Variants in FAM204A observed in about 807,000 individuals in gnomAD.
The protein encoded by FAM204A is family with sequence similarity 204 member A.
FAM204A carries 16 observed loss-of-function variants against 35.4 expected under a neutral mutation model. The ratio of observed to expected loss-of-function variants is 0.45; its 90% CI spans 0.31 to 0.69. The LOEUF (loss-of-function observed/expected upper bound fraction) is 0.69. Ranked by LOEUF, FAM204A falls within the 30% of genes least tolerant of loss-of-function variation. FAM204A has a pLI of 0.07. For missense variants in FAM204A, 240 were observed against 265.7 expected (o/e 0.90, Z 0.67); for synonymous variants, 76 against 86.9 (o/e 0.88, Z 0.70).
chr10:118,312,717 C>T (rs1272022316), intron 7 of FAM204A, among the ~76,000 whole-genome samples: 9 of 152,178 alleles, frequency 5.9e-5, no homozygotes, highest in Non-Finnish European at 1.3e-4. Flanking sequence ...AGCAGACCAA[C>T]CTCGGTGTGT....
At chr10:118,323,922 C>T (rs528438030) in intron 7 of FAM204A, among the ~76,000 whole-genome samples, 12 of 152,098 alleles carry the variant, frequency 7.9e-5, no homozygotes, top group South Asian at 2.1e-4. Context: ...AAAGATATTA[C>T]GTTTGTTGAA....
chr10:118,315,683 T>C (rs1348936208), intron 7 of FAM204A, among the ~76,000 whole-genome samples: 2 of 152,124 alleles, frequency 1.3e-5, no homozygotes, highest in Non-Finnish European at 2.9e-5. Context: ...AAGCTCAACA[T>C]TAATGTCAAG....
chr10:118,325,546 G>A (rs909477352), intron 7 of FAM204A, among the ~76,000 whole-genome samples: 6 of 152,084 alleles, frequency 3.9e-5, no homozygotes, highest in African/African-American at 1.2e-4. Flanking sequence ...ATGCCAATAT[G>A]AGCTCTTTAA....
At chr10:118,319,625 C>T (rs912320910) in intron 7 of FAM204A, among the ~76,000 whole-genome samples, 22 of 151,864 alleles carry the variant, frequency 1.4e-4, no homozygotes, top group Non-Finnish European at 2.9e-4. Context: ...AAGTCATTGC[C>T]TTAGTTCCTT....
rs1196030190 is a variant in FAM204A at position 118,307,429 on chromosome 10, A to C, written c.*3428T>G. 6.6e-6 allele frequency: 1 copy of C among 152,232 alleles called. No individual in the cohort carries two copies. The highest frequency in any genetic ancestry group is 2.4e-5 in the African/African-American group (1 of 41,462). 9.4% of individuals were successfully genotyped at this position (152,232 alleles called of 1,614,324 possible). A position where few individuals can be genotyped will look rare whatever the true frequency, so the allele number is the denominator to read the frequency against. ...AGCATTTGTTGCTCTGCCAGATACTAAAAATAAAAGCAACTTCTGCCAAAA... is the reference window on the plus strand; with the variant it reads ...AGCATTTGTTGCTCTGCCAGATACTCAAAATAAAAGCAACTTCTGCCAAAA... On this transcript the variant is annotated 3_prime_UTR_variant, in exon 9 of 9. Coordinates refer to ENST00000369183, the MANE Select transcript of FAM204A (RefSeq NM_022063.3).
Position 118,310,854 on chromosome 10 carries a change from A to G in FAM204A, c.*3T>C. The G allele has an allele frequency of 3.1e-6, 5 of 1,600,402 alleles. No homozygotes were observed. The highest frequency in any genetic ancestry group is 4.3e-6 in the Non-Finnish European group (5 of 1,176,336). ...TACAAATGTCTTGAAGCACTCTGGC[A>G]AGTTACATGTATCCCATGTTGCTTT... On this transcript the variant is annotated 3_prime_UTR_variant, in exon 9 of 9. Transcript: ENST00000369183.
rs1323339379 is a variant in FAM204A at position 118,298,255 on chromosome 10, T to C, written c.*12602A>G. 6.6e-6 allele frequency: 1 copy of C among 152,214 alleles called. No homozygotes were observed. The highest frequency in any genetic ancestry group is 1.5e-5 in the Non-Finnish European group (1 of 68,056). 9.4% of individuals were successfully genotyped at this position (152,214 alleles called of 1,614,324 possible). A position where few individuals can be genotyped will look rare whatever the true frequency, so the allele number is the denominator to read the frequency against. ...CCCCTGAGCCAGACAGGAAATCCAC[T>C]GGTATTTAAAAAGATAGGTTGTGTG... On this transcript the variant is annotated 3_prime_UTR_variant, in exon 9 of 9. Coordinates refer to ENST00000369183, the MANE Select transcript of FAM204A (RefSeq NM_022063.3).
At position 118,335,623 on chromosome 10, in the gene FAM204A, T is replaced by G; in HGVS notation, c.253A>C (p.Lys85Gln). The G allele has an allele frequency of 6.2e-7, 1 of 1,605,564 alleles. No homozygotes were observed. The highest frequency in any genetic ancestry group is 1.1e-5 in the South Asian group (1 of 88,156). ...GTGCTTTTCTGTTCAGAATGTTTTT[T>G]ATGCAATTCTTGAAATTTCTATGTA... ...DMWNKFQELHKKHSEQKSTTS... is the reference protein window; with the variant it reads ...DMWNKFQELHQKHSEQKSTTS... The change falls in exon 4 of 9, where the codon AAA becomes CAA. Residue 85 changes from lysine to glutamine, a missense_variant. Coordinates refer to ENST00000369183, the MANE Select transcript of FAM204A (RefSeq NM_022063.3).
chr10:118,335,597 T>C lies in FAM204A; in HGVS notation c.279A>G (p.Thr93=), dbSNP rs780217332. The C allele has an allele frequency of 1.2e-6, 2 of 1,611,010 alleles. No homozygotes were observed. Among genetic ancestry groups the C allele is most frequent in the Non-Finnish European group, 1.7e-6 (2 of 1,179,280 alleles). ...LHKKHSEQKS[T]TSRFRGKRRK... is the part of the protein sequence containing the mutation. ...TTCTTTTCCCTCTGAATCTTGAGGT[T>C]GTGCTTTTCTGTTCAGAATGTTTTT... The change falls in exon 4 of 9, where the codon ACA becomes ACG. Residue 93 remains threonine, a synonymous_variant. Coordinates refer to ENST00000369183, the MANE Select transcript of FAM204A (RefSeq NM_022063.3).
intron 6 of FAM204A, among the ~76,000 whole-genome samples, chr10:118,333,136 T>C (rs1293359883): frequency 1.3e-5 from 2 of 152,164 alleles, no homozygotes; most frequent in East Asian, 3.9e-4. Context: ...ACATTCTTGG[T>C]TGAGCAAGTT....
chr10:118,341,045 T>C (rs1405011391), intron 2 of FAM204A, among the ~76,000 whole-genome samples: 1 of 152,164 alleles, frequency 6.6e-6, no homozygotes, highest in African/African-American at 2.4e-5. Context: ...ACTTTTTGAG[T>C]ACAGAAAGCT....
intron 2 of FAM204A, among the ~76,000 whole-genome samples, chr10:118,340,186 G>T (rs182916983): frequency 2.0e-5 from 3 of 152,206 alleles, no homozygotes; most frequent in African/African-American, 7.2e-5. Context: ...GTAGTTATAG[G>T]TCTGATTTTT....
Position 118,328,136 on chromosome 10 carries a change from T to C in FAM204A, c.454-1893A>G, listed in dbSNP as rs142917606. Reference sequence around the variant, plus strand: ...ACTGCTGTATGTCATGTTATAGACATTGCCTGAAAGTTCCGCCTCCACAAC... The same window carrying C: ...ACTGCTGTATGTCATGTTATAGACACTGCCTGAAAGTTCCGCCTCCACAAC... On this transcript the variant is annotated intron_variant, in intron 6 of 8. Transcript: ENST00000369183. 1.4e-3 allele frequency among the ~76,000 whole-genome samples: 211 copies of C among 152,268 alleles called. 1 individual carries two copies. The highest frequency in any genetic ancestry group is 6.2e-3 in the South Asian group (30 of 4,820).
At chr10:118,328,359 C>T (rs1209331122) in intron 6 of FAM204A, among the ~76,000 whole-genome samples, 1 of 152,136 alleles carries the variant, frequency 6.6e-6, no homozygotes, top group Non-Finnish European at 1.5e-5. Context: ...CAGTGGTTCT[C>T]AAAGTTTAAG....
chr10:118,311,025 A>G, intron 8 of FAM204A, 117 bp from the exon 9 acceptor site: 2 of 1,078,374 alleles, frequency 1.9e-6, no homozygotes, highest in Non-Finnish European at 2.7e-6. Flanking sequence ...TACTCCAATG[A>G]TTACAAAATA....
At chr10:118,339,984 T>C (rs1402626856) in intron 2 of FAM204A, among the ~76,000 whole-genome samples, 1 of 152,196 alleles carries the variant, frequency 6.6e-6, no homozygotes, top group Non-Finnish European at 1.5e-5. Context: ...CAGATAACAA[T>C]GAATCAAAAA....
intron 8 of FAM204A, 66 bp from the exon 9 acceptor site, chr10:118,310,974 TTAC>T: frequency 6.8e-7 from 1 of 1,463,744 alleles, no homozygotes. Flanking sequence ...CTGAACATGT[TTAC>T]TTAGAGACCA....
chr10:118,334,578 T>C (rs1846349610), intron 6 of FAM204A, among the ~76,000 whole-genome samples: 1 of 152,220 alleles, frequency 6.6e-6, no homozygotes, highest in Admixed American at 6.5e-5. Context: ...GTCATTCCCT[T>C]GACTTAAAAG....
chr10:118,330,533 G>C (rs1380606862), intron 6 of FAM204A, among the ~76,000 whole-genome samples: 3 of 152,200 alleles, frequency 2.0e-5, no homozygotes, highest in Admixed American at 6.5e-5. Context: ...AAGATAATAA[G>C]AAGACTGGCT....
Sources: gnomAD v4.1 joint callset for allele counts (sites outside exome capture counted in the v4.1 genomes callset) on GRCh38, gnomAD v4.1.1 for gene constraint, MANE v1.5 for transcripts, NCBI Gene and HGNC (gene_info 2026-07-23, HGNC 2026-07-21) for gene names.